The following PDE4D variants were observed in gnomAD, a reference collection of about 807,000 sequenced individuals.
PDE4D encodes the protein phosphodiesterase 4D.
Under a neutral mutation model 87.4 loss-of-function variants are expected in PDE4D, and 24 were observed. The ratio of observed to expected loss-of-function variants is 0.27; its 90% CI spans 0.20 to 0.39. The LOEUF (loss-of-function observed/expected upper bound fraction) is 0.39. Among genes scored for constraint, PDE4D ranks in the 10% least tolerant of loss-of-function variants. The pLI, the probability that PDE4D is intolerant of heterozygous loss-of-function variation, is 1.00. For missense variants in PDE4D, 714 were observed against 1,041.0 expected (o/e 0.69, Z 4.32); for synonymous variants, 384 against 383.2 (o/e 1.00, Z -0.02).
intron 1 of PDE4D, among the ~76,000 whole-genome samples, chr5:59,771,473 GA>G (rs1491453026): frequency 6.3e-5 from 6 of 94,846 alleles, no homozygotes; most frequent in African/African-American, 1.6e-4. Context: ...AAGAAAGAAA[GA>G]AAGAAAGAAA....
chr5:60,192,656 G>C (rs544791119), intron 1 of PDE4D, among the ~76,000 whole-genome samples: 2 of 152,196 alleles, frequency 1.3e-5, no homozygotes, highest in East Asian at 3.9e-4. Flanking sequence ...AAAAAGGCAG[G>C]ATTAAAGTTG....
chr5:59,972,230 T>C (rs566390268), intron 3 of PDE4D, among the ~76,000 whole-genome samples: 6 of 152,300 alleles, frequency 3.9e-5, no homozygotes, highest in African/African-American at 1.4e-4. Flanking sequence ...CCTACTCCCC[T>C]AGTGGAAGGC....
rs1744829040 is a variant in PDE4D at position 59,659,067 on chromosome 5, A to T, written c.455+234101T>A. Among the ~76,000 whole-genome samples, 3 of 152,224 alleles carry T rather than the reference A, an allele frequency of 2.0e-5. No homozygotes were observed. In the South Asian group the frequency reaches 6.2e-4, roughly 32 times the overall value. ...AGGTCAAGCCTTCTCTGTACAATGA[A>T]AACCTATGCAATCCAAGGAGATTTT... On this transcript the variant is annotated intron_variant, in intron 1 of 14. Coordinates refer to ENST00000340635, the MANE Select transcript of PDE4D (RefSeq NM_001104631.2).
chr5:59,948,538 C>A (rs1295834721), intron 3 of PDE4D, among the ~76,000 whole-genome samples: 1 of 152,094 alleles, frequency 6.6e-6, no homozygotes, highest in Non-Finnish European at 1.5e-5. Context: ...CTACTGAAGA[C>A]AGAATGAGAA....
chr5:59,125,241 C>G lies in PDE4D; in HGVS notation c.808+55354G>C, dbSNP rs1561528007. On this transcript the variant is annotated intron_variant, in intron 5 of 14. Coordinates refer to ENST00000340635, the MANE Select transcript of PDE4D (RefSeq NM_001104631.2). Reference sequence around the variant, plus strand: ...ATCAAATTTACTGCACTTACCCTTGCTTCTTCCCTATGAAGTACAGCCAGA... The same window carrying G: ...ATCAAATTTACTGCACTTACCCTTGGTTCTTCCCTATGAAGTACAGCCAGA... The G allele has an allele frequency of 1.2e-5, 12 of 979,732 alleles. No individual in the cohort carries two copies. In the South Asian group the frequency reaches 5.7e-4, roughly 46 times the overall value. The allele number at this position is 979,732 out of a possible 1,614,324, so 60.7% of individuals were successfully genotyped here.
chr5:59,002,209 T>C, intron 6 of PDE4D: 1 of 357,984 alleles, frequency 2.8e-6, no homozygotes, highest in East Asian at 7.6e-5. Context: ...TTCACTCTGG[T>C]ACTGAGAACA....
chr5:59,121,686 T>G (rs1382496133), intron 5 of PDE4D, among the ~76,000 whole-genome samples: 1 of 152,070 alleles, frequency 6.6e-6, no homozygotes, highest in Non-Finnish European at 1.5e-5. Flanking sequence ...AAAATAGAAC[T>G]AACCACTATG....
rs562114708 is a variant in PDE4D at position 59,043,248 on chromosome 5, G to A, written c.809-4277C>T. ...TACAAATTATAACAGCTGAGGTCGG[G>A]CACAGTGGCTCACGCCTGTAATCCC... On this transcript the variant is annotated intron_variant, in intron 5 of 14. Coordinates refer to ENST00000340635, the MANE Select transcript of PDE4D (RefSeq NM_001104631.2). Among the ~76,000 whole-genome samples the A allele has an allele frequency of 7.2e-5, 11 of 152,316 alleles. No individual in the cohort carries two copies. The East Asian group carries it at 1.9e-3, about 27-fold the overall frequency.
chr5:59,638,261 C>T (rs573468679), intron 1 of PDE4D, among the ~76,000 whole-genome samples: 200 of 152,196 alleles, frequency 1.3e-3, no homozygotes, highest in African/African-American at 4.5e-3. Context: ...TAACTCACTC[C>T]ATGAGATCGA....
chr5:60,011,783 A>G (rs1765041660), intron 2 of PDE4D, among the ~76,000 whole-genome samples: 1 of 152,128 alleles, frequency 6.6e-6, no homozygotes, highest in Non-Finnish European at 1.5e-5. Flanking sequence ...AAATATGGAG[A>G]CCCTGTTTCC....
At chr5:59,183,915 A>T (rs376178175) in intron 4 of PDE4D, among the ~76,000 whole-genome samples, 3 of 152,192 alleles carry the variant, frequency 2.0e-5, no homozygotes, top group African/African-American at 7.2e-5. Flanking sequence ...GACAGTGTTC[A>T]GGAGCATCCC....
At chr5:59,720,957 CT>C (rs1755738929) in intron 1 of PDE4D, among the ~76,000 whole-genome samples, 2 of 152,094 alleles carry the variant, frequency 1.3e-5, no homozygotes, top group South Asian at 4.1e-4. Context: ...GCACTGTCCT[CT>C]TGTATTAGAG....
At chr5:59,871,534 A>G (rs1190590230) in intron 1 of PDE4D, among the ~76,000 whole-genome samples, 6 of 152,250 alleles carry the variant, frequency 3.9e-5, no homozygotes, top group Non-Finnish European at 1.5e-5. Flanking sequence ...AATAGAAAAT[A>G]ATATAATGAT....
intron 1 of PDE4D, among the ~76,000 whole-genome samples, chr5:59,372,083 G>T (rs1346774118): frequency 6.6e-6 from 1 of 152,134 alleles, no homozygotes; most frequent in Non-Finnish European, 1.5e-5. Context: ...CTCATGTAAT[G>T]AATATTTAAT....
intron 1 of PDE4D, among the ~76,000 whole-genome samples, chr5:60,402,430 A>G (rs534198096): frequency 3.9e-5 from 6 of 152,326 alleles, no homozygotes; most frequent in Non-Finnish European, 8.8e-5. Flanking sequence ...AATGCCCACT[A>G]TGGTGCCTGG....
intron 1 of PDE4D, among the ~76,000 whole-genome samples, chr5:59,757,972 A>G (rs72751255): frequency 4.1e-3 from 621 of 152,290 alleles, no homozygotes; most frequent in Non-Finnish European, 7.2e-3. Flanking sequence ...CACACCAAAA[A>G]AGGGCTCTGT....
At chr5:59,183,723 C>T (rs979253544) in intron 4 of PDE4D, among the ~76,000 whole-genome samples, 4 of 152,136 alleles carry the variant, frequency 2.6e-5, no homozygotes, top group Admixed American at 6.6e-5. Flanking sequence ...TGCACGGCCA[C>T]GTTACATAGA....
At chr5:59,635,311 A>G (rs1050929748) in intron 1 of PDE4D, among the ~76,000 whole-genome samples, 3 of 152,218 alleles carry the variant, frequency 2.0e-5, no homozygotes, top group Non-Finnish European at 4.4e-5. Context: ...CCAGAGGTAC[A>G]AAGAGGAGCT....
chr5:60,312,505 AT>A (rs1248240735), intron 1 of PDE4D, among the ~76,000 whole-genome samples: 1 of 152,236 alleles, frequency 6.6e-6, no homozygotes, highest in Admixed American at 6.5e-5. Flanking sequence ...ACTTACAATC[AT>A]GGCAGAAAGC....
Sources: gnomAD v4.1 joint callset for allele counts (sites outside exome capture counted in the v4.1 genomes callset) on GRCh38, gnomAD v4.1.1 for gene constraint, MANE v1.5 for transcripts, NCBI Gene and HGNC (gene_info 2026-07-23, HGNC 2026-07-21) for gene names.